IQCM: variants seen among roughly 807,000 people sequenced by gnomAD.
IQCM encodes the protein IQ motif containing M.
In IQCM, 45 loss-of-function variants were observed where a neutral mutation model predicts 57.6. The observed-to-expected ratio is 0.78, with a 90% CI of 0.62 to 1.00. IQCM has a LOEUF of 1.00. Among genes scored for constraint, IQCM ranks in the 50% least tolerant of loss-of-function variants. IQCM has a pLI of 0.00. For missense variants in IQCM, 468 were observed against 511.6 expected, an observed-to-expected ratio of 0.91 and a Z score of 0.82; for synonymous variants, 148 against 158.9, an observed-to-expected ratio of 0.93 and a Z score of 0.51.
intron 3 of IQCM, among the ~76,000 whole-genome samples, 159 bp from the exon 4 acceptor site, chr4:149,735,617 T>C (rs958200689): frequency 6.6e-6 from 1 of 152,202 alleles, no homozygotes; most frequent in Non-Finnish European, 1.5e-5. Flanking sequence ...GGTGATAAGA[T>C]AGGTTATCCT....
intron 2 of IQCM, among the ~76,000 whole-genome samples, chr4:149,784,845 C>A (rs1003985338): frequency 6.6e-6 from 1 of 152,116 alleles, no homozygotes; most frequent in African/African-American, 2.4e-5. Context: ...CTCTCTGTAC[C>A]AGAATGTAAA....
rs559637750 is a variant in IQCM at position 149,516,588 on chromosome 4, T to C, written c.1228+31867A>G. Among the ~76,000 whole-genome samples the C allele has an allele frequency of 4.6e-5, 7 of 152,292 alleles. No individual in the cohort carries two copies. The South Asian group carries it at 1.5e-3, about 32-fold the overall frequency. On this transcript the variant is annotated intron_variant, in intron 12 of 13. Transcript: ENST00000636793. The stretch of plus-strand genomic sequence containing the variant: ...GAGCAAAGTTCTCCAGAAGGCCATG[T>C]ATGCTCTGAATTGGTGTTCAATATA...
intron 12 of IQCM, among the ~76,000 whole-genome samples, chr4:149,533,482 G>A (rs1746956375): frequency 1.3e-5 from 2 of 152,046 alleles, no homozygotes; most frequent in Admixed American, 1.3e-4. Context: ...TAAGTAAGTA[G>A]ATAGCCTATT....
chr4:149,477,607 A>G (rs1385821842), intron 12 of IQCM, among the ~76,000 whole-genome samples: 1 of 152,196 alleles, frequency 6.6e-6, no homozygotes, highest in East Asian at 1.9e-4. Flanking sequence ...CCATAGGTAA[A>G]TGCAAACAGA....
intron 13 of IQCM, among the ~76,000 whole-genome samples, chr4:149,404,137 A>G (rs1210253019): frequency 6.6e-6 from 1 of 152,054 alleles, no homozygotes; most frequent in East Asian, 1.9e-4. Context: ...TGGGAGCACT[A>G]AAGAGACACA....
intron 12 of IQCM, among the ~76,000 whole-genome samples, chr4:149,510,288 T>C (rs528964578): frequency 6.6e-6 from 1 of 152,186 alleles, no homozygotes; most frequent in Non-Finnish European, 1.5e-5. Context: ...AAATTCTTTA[T>C]AATAAAATTG....
At chr4:149,449,451 C>T (rs902132647) in intron 12 of IQCM, among the ~76,000 whole-genome samples, 6 of 146,034 alleles carry the variant, frequency 4.1e-5, no homozygotes, top group African/African-American at 1.5e-4. Context: ...TACTGACATC[C>T]TACTAATATT....
chr4:149,644,342 T>A (rs1196641458), intron 7 of IQCM, among the ~76,000 whole-genome samples: 1 of 152,212 alleles, frequency 6.6e-6, no homozygotes, highest in Non-Finnish European at 1.5e-5. Flanking sequence ...CTAACTTTTC[T>A]TGTAAATATT....
intron 7 of IQCM, among the ~76,000 whole-genome samples, chr4:149,667,031 G>T (rs1467067147): frequency 2.0e-5 from 3 of 152,162 alleles, no homozygotes; most frequent in Non-Finnish European, 4.4e-5. Flanking sequence ...CTGCCTGCCA[G>T]CTCTGAAAAG....
intron 12 of IQCM, among the ~76,000 whole-genome samples, chr4:149,478,461 G>A (rs1295592346): frequency 6.6e-6 from 1 of 152,182 alleles, no homozygotes; most frequent in African/African-American, 2.4e-5. Flanking sequence ...TAACTCGACA[G>A]TTTAGGTACC....
At chr4:149,581,323 G>GTC (rs1752161929) in intron 9 of IQCM, among the ~76,000 whole-genome samples, 1 of 151,376 alleles carries the variant, frequency 6.6e-6, no homozygotes, top group Non-Finnish European at 1.5e-5. Context: ...GTGTGTGTGT[G>GTC]TGACTGCACA....
At chr4:149,706,875 T>C (rs947391785) in intron 5 of IQCM, among the ~76,000 whole-genome samples, 2 of 152,026 alleles carry the variant, frequency 1.3e-5, no homozygotes, top group African/African-American at 2.4e-5. Context: ...ATTGTGAGTC[T>C]AATGTACATT....
intron 12 of IQCM, among the ~76,000 whole-genome samples, chr4:149,489,976 C>A (rs1356801867): frequency 6.6e-6 from 1 of 151,804 alleles, no homozygotes; most frequent in Non-Finnish European, 1.5e-5. Context: ...AATATTTGTG[C>A]TTTAAAAATC....
chr4:149,371,321 G>A (rs1730355546), intron 13 of IQCM, among the ~76,000 whole-genome samples: 1 of 152,190 alleles, frequency 6.6e-6, no homozygotes, highest in Non-Finnish European at 1.5e-5. Context: ...GACTCTGCCT[G>A]TGACCCACTG....
At position 149,587,961 on chromosome 4, in the gene IQCM, G is replaced by A; in HGVS notation, c.718C>T (p.Pro240Ser). The change falls in exon 9 of 14, where the codon CCT (proline) becomes TCT (serine). Residue 240 changes from proline to serine, a missense_variant. Physicochemically the swap from Pro to Ser is moderately conservative, Grantham distance 74. Coordinates refer to ENST00000636793, the MANE Select transcript of IQCM (RefSeq NM_001363507.2). ...FKTLIKKERQ[P>S]IKPEPKSQPR... is the part of the protein sequence containing the mutation. ...TGTGATTTTGGTTCTGGCTTGATAGGTTGTCGCTCCTTTTTAATAAGGGTT... is the reference window on the plus strand; with the variant it reads ...TGTGATTTTGGTTCTGGCTTGATAGATTGTCGCTCCTTTTTAATAAGGGTT... 1 of 1,225,916 alleles carries A rather than the reference G, an allele frequency of 8.2e-7. No individual in the cohort carries two copies. The highest frequency in any genetic ancestry group is 1.0e-6 in the Non-Finnish European group (1 of 982,952). 75.9% of individuals were successfully genotyped at this position (1,225,916 alleles called of 1,614,324 possible). A position where few individuals can be genotyped will look rare whatever the true frequency, so the allele number is the denominator to read the frequency against.
At chr4:149,395,278 A>G (rs1490222119) in intron 13 of IQCM, among the ~76,000 whole-genome samples, 1 of 151,982 alleles carries the variant, frequency 6.6e-6, no homozygotes, top group Non-Finnish European at 1.5e-5. Flanking sequence ...TTAGAATCCA[A>G]AGTATTAGGG....
intron 13 of IQCM, among the ~76,000 whole-genome samples, chr4:149,367,405 C>T (rs1478650597): frequency 2.0e-5 from 3 of 151,830 alleles, no homozygotes; most frequent in Admixed American, 1.3e-4. Context: ...TTTGATAATG[C>T]TTATTCTTGT....
intron 7 of IQCM, among the ~76,000 whole-genome samples, chr4:149,671,087 T>C (rs757179143): frequency 2.6e-5 from 4 of 152,226 alleles, no homozygotes; most frequent in Non-Finnish European, 4.4e-5. Flanking sequence ...GTACCTCTGG[T>C]GGAATTTGAC....
chr4:149,587,433 CTCTAA>C (rs1485380159), intron 9 of IQCM, among the ~76,000 whole-genome samples: 13 of 151,872 alleles, frequency 8.6e-5, no homozygotes, highest in East Asian at 7.8e-4. Flanking sequence ...CAATCTCACG[CTCTAA>C]TCTCTCTCAC....
Sources: allele counts gnomAD v4.1 joint callset (sites outside exome capture counted in the v4.1 genomes callset), GRCh38; gene constraint gnomAD v4.1.1; transcripts MANE v1.5; gene names NCBI Gene and HGNC (gene_info 2026-07-23, HGNC 2026-07-21).